The following REC114 variants were observed in gnomAD, a reference collection of about 807,000 sequenced individuals.
REC114 encodes REC114 meiotic recombination protein.
A neutral mutation model predicts 31.3 loss-of-function variants in REC114; 27 were observed. The observed-to-expected ratio is 0.86, with a 90% CI of 0.64 to 1.19. The LOEUF (loss-of-function observed/expected upper bound fraction) is 1.19, where lower values mean the gene tolerates loss of function less well. Among genes scored for constraint, REC114 ranks in the 50% most tolerant of loss-of-function variants. The pLI, the probability that REC114 is intolerant of heterozygous loss-of-function variation, is 0.00. For synonymous variants in REC114, 134 were observed against 127.7 expected (o/e 1.05, Z -0.33); for missense variants, 344 against 326.9 (o/e 1.05, Z -0.40).
At chr15:73,558,787 G>A (rs184945831) in intron 5 of REC114, among the ~76,000 whole-genome samples, 3 of 152,290 alleles carry the variant, frequency 2.0e-5, no homozygotes, top group Non-Finnish European at 4.4e-5. Context: ...CTCACCACAT[G>A]ACTCAATCCT....
rs748165364 is a variant in REC114 at position 73,443,299 on chromosome 15, T to A, written c.114T>A (p.Pro38=). ...TACCCTCAAACACCAGAGACCCACC[T>A]GGGCCATGCCTGGAAGCTGGGACAG... ...RCIPSNTRDP[P]GPCLEAGTAP... Residue 38 remains proline (P), a synonymous_variant, in exon 1 of 6, where the codon CCT becomes CCA. Transcript: ENST00000331090. 8 of 1,582,688 alleles carry A rather than the reference T, an allele frequency of 5.1e-6. No individual in the cohort carries two copies. The highest frequency in any genetic ancestry group is 6.9e-6 in the Non-Finnish European group (8 of 1,165,448).
chr15:73,559,658 C>T lies in REC114; in HGVS notation c.637-94C>T, dbSNP rs1307466175. The T allele has an allele frequency of 4.9e-6, 6 of 1,214,256 alleles. No individual in the cohort carries two copies. The African/African-American group carries it at 9.4e-5, about 19-fold the overall frequency. The allele number at this position is 1,214,256 out of a possible 1,614,324, so 75.2% of individuals were successfully genotyped here. ...ACTAATTTTTTTGGTGTGTATTTCGCTAATCTTTCCTTAAAGCACTATTTG... is the reference window on the plus strand; with the variant it reads ...ACTAATTTTTTTGGTGTGTATTTCGTTAATCTTTCCTTAAAGCACTATTTG... On this transcript the variant is annotated intron_variant, in intron 5 of 5. Transcript: ENST00000331090.
At chr15:73,511,523 T>C (rs1488615781) in intron 2 of REC114, among the ~76,000 whole-genome samples, 1 of 151,726 alleles carries the variant, frequency 6.6e-6, no homozygotes, top group Admixed American at 6.6e-5. Context: ...CTAGTTCTTT[T>C]AATTGTGATG....
At chr15:73,451,411 C>A (rs1350543710) in intron 1 of REC114, among the ~76,000 whole-genome samples, 1 of 152,294 alleles carries the variant, frequency 6.6e-6, no homozygotes, top group South Asian at 2.1e-4. Flanking sequence ...AAGACATACA[C>A]CCTCCCAAGA....
intron 2 of REC114, among the ~76,000 whole-genome samples, chr15:73,538,557 C>T (rs756157392): frequency 3.3e-5 from 5 of 150,358 alleles, no homozygotes; most frequent in Admixed American, 6.7e-5. Flanking sequence ...CCCGGGTTCA[C>T]GCCTTTCTCC....
At chr15:73,557,087 G>A (rs1490887118) in intron 5 of REC114, among the ~76,000 whole-genome samples, 1 of 150,088 alleles carries the variant, frequency 6.7e-6, no homozygotes, top group East Asian at 2.0e-4. Context: ...TTTGAGGCAG[G>A]GTCTCACCAT....
chr15:73,478,168 G>A (rs1332796359), intron 2 of REC114, among the ~76,000 whole-genome samples: 1 of 150,164 alleles, frequency 6.7e-6, no homozygotes, highest in African/African-American at 2.5e-5. Context: ...GGAGGCTGAG[G>A]TGGGACAATT....
intron 2 of REC114, among the ~76,000 whole-genome samples, chr15:73,502,112 G>A (rs530983632): frequency 1.3e-4 from 19 of 150,712 alleles, no homozygotes; most frequent in Middle Eastern, 3.4e-3. Flanking sequence ...CTATGACCAC[G>A]CCACTGCACT....
At chr15:73,542,160 A>G (rs896743811) in intron 3 of REC114, among the ~76,000 whole-genome samples, 1 of 151,742 alleles carries the variant, frequency 6.6e-6, no homozygotes, top group Non-Finnish European at 1.5e-5. Flanking sequence ...ATGAAACCCC[A>G]TCTTTTTTAA....
At chr15:73,496,820 G>T (rs1484531143) in intron 2 of REC114, among the ~76,000 whole-genome samples, 1 of 152,016 alleles carries the variant, frequency 6.6e-6, no homozygotes, top group Admixed American at 6.6e-5. Flanking sequence ...ATTTGAAGTT[G>T]TCATACTGTG....
chr15:73,559,637 ATT>A (rs947185906), intron 5 of REC114, 113 bp from the exon 6 acceptor site: 1 of 910,150 alleles, frequency 1.1e-6, no homozygotes, highest in Non-Finnish European at 1.6e-6. Context: ...ATTAACACTA[ATT>A]TTTTTGGTGT....
At chr15:73,467,026 T>C (rs1228827842) in intron 1 of REC114, among the ~76,000 whole-genome samples, 1 of 152,248 alleles carries the variant, frequency 6.6e-6, no homozygotes, top group Non-Finnish European at 1.5e-5. Flanking sequence ...GAAAGCCTGG[T>C]GCACTGCTTT....
intron 2 of REC114, among the ~76,000 whole-genome samples, chr15:73,480,968 G>C (rs1319900606): frequency 1.3e-5 from 2 of 152,164 alleles, no homozygotes; most frequent in Non-Finnish European, 2.9e-5. Flanking sequence ...CACCGCACCT[G>C]GCCTTAGAAC....
chr15:73,548,598 G>A (rs1894344384), intron 3 of REC114, among the ~76,000 whole-genome samples: 1 of 152,126 alleles, frequency 6.6e-6, no homozygotes, highest in Non-Finnish European at 1.5e-5. Context: ...TACTGTTGGT[G>A]GGAGTGTAAA....
At chr15:73,536,633 T>C (rs1279963229) in intron 2 of REC114, among the ~76,000 whole-genome samples, 3 of 152,308 alleles carry the variant, frequency 2.0e-5, no homozygotes, top group East Asian at 3.9e-4. Flanking sequence ...CAGGTGGATT[T>C]TCACAGCAAG....
At chr15:73,485,457 T>C (rs2141299304) in intron 2 of REC114, among the ~76,000 whole-genome samples, 1 of 152,240 alleles carries the variant, frequency 6.6e-6, no homozygotes, top group East Asian at 1.9e-4. Context: ...AAACCTCATG[T>C]TAAATTGTAA....
intron 3 of REC114, among the ~76,000 whole-genome samples, chr15:73,542,661 C>T (rs1894255882): frequency 1.3e-5 from 2 of 152,172 alleles, no homozygotes; most frequent in South Asian, 4.1e-4. Context: ...TTGACATTTC[C>T]AGCCCCTCTT....
intron 2 of REC114, among the ~76,000 whole-genome samples, chr15:73,514,439 T>C (rs183676334): frequency 7.4e-4 from 112 of 152,226 alleles, no homozygotes; most frequent in Non-Finnish European, 1.3e-3. Flanking sequence ...AGACCGGAGC[T>C]GTTCCTATTC....
chr15:73,451,302 A>G (rs1296096511), intron 1 of REC114, among the ~76,000 whole-genome samples: 1 of 152,248 alleles, frequency 6.6e-6, no homozygotes, highest in East Asian at 1.9e-4. Context: ...AGGGGCTGTC[A>G]TCACTGATCC....
Sources: allele counts gnomAD v4.1 joint callset (sites outside exome capture counted in the v4.1 genomes callset), GRCh38; gene constraint gnomAD v4.1.1; transcripts MANE v1.5; gene names NCBI Gene and HGNC (gene_info 2026-07-23, HGNC 2026-07-21).